The following TBC1D1 variants were observed in gnomAD, a reference collection of about 807,000 sequenced individuals.
The protein encoded by TBC1D1 is TBC1 domain family member 1.
TBC1D1 carries 89 observed loss-of-function variants against 125.6 expected under a neutral mutation model. The observed-to-expected ratio is 0.71, with a 90% confidence interval of 0.60 to 0.85. The LOEUF is 0.85. TBC1D1 is among the 40% of genes least tolerant of loss of function. The pLI is 0.00. For synonymous variants in TBC1D1, 565 were observed against 564.1 expected (o/e 1.00, Z -0.02); for missense variants, 1,377 against 1,469.2 (o/e 0.94, Z 1.03).
At chr4:37,897,185 T>C (rs1430395368) in intron 1 of TBC1D1, among the ~76,000 whole-genome samples, 1 of 152,178 alleles carries the variant, frequency 6.6e-6, no homozygotes, top group African/African-American at 2.4e-5. Context: ...TAAAAAATAA[T>C]CAAATGGTTT....
intron 2 of TBC1D1, among the ~76,000 whole-genome samples, chr4:37,966,595 C>T (rs1731117831): frequency 6.6e-6 from 1 of 152,182 alleles, no homozygotes; most frequent in Non-Finnish European, 1.5e-5. Context: ...ATTTTATAAT[C>T]TATGAGTTTC....
chr4:38,043,434 C>T (rs1477851088), intron 8 of TBC1D1, among the ~76,000 whole-genome samples: 2 of 151,704 alleles, frequency 1.3e-5, no homozygotes, highest in Non-Finnish European at 2.9e-5. Flanking sequence ...CCCGTCTCTA[C>T]AAAAACTACA....
chr4:37,960,880 T>C, intron 2 of TBC1D1: 1 of 1,614,188 alleles, frequency 6.2e-7, no homozygotes, highest in South Asian at 1.1e-5. Context: ...CTCATGATCC[T>C]TGATGAGGAG....
chr4:37,959,508 A>T (rs891601717), intron 2 of TBC1D1, among the ~76,000 whole-genome samples: 2 of 152,216 alleles, frequency 1.3e-5, no homozygotes, highest in Non-Finnish European at 2.9e-5. Context: ...CCGCAGAAGA[A>T]AATCTGAGAA....
At chr4:37,918,340 G>T (rs1720147024) in intron 2 of TBC1D1, among the ~76,000 whole-genome samples, 1 of 152,108 alleles carries the variant, frequency 6.6e-6, no homozygotes, top group East Asian at 1.9e-4. Flanking sequence ...GCTTCATGAA[G>T]AAAATAAAAT....
In TBC1D1 at chr4:38,027,948, T is replaced by G. The variant is rs1017349116; in HGVS notation, c.1302+69T>G. On this transcript the variant is annotated intron_variant, in intron 7 of 19. Transcript: ENST00000261439. ...CAGCTTACCTGGGAAATGCTATGTG[T>G]AAAAAATAGCAAACCAGTGTTGTCC... is the stretch of plus-strand genomic sequence containing the variant. The G allele has an allele frequency of 9.8e-6, 12 of 1,222,898 alleles. No individual in the cohort carries two copies. The Admixed American group carries it at 2.2e-4, about 23-fold the overall frequency. The allele number at this position is 1,222,898 out of a possible 1,614,324, so 75.8% of individuals were successfully genotyped here. A position where few individuals can be genotyped will look rare whatever the true frequency, so the allele number is the denominator to read the frequency against.
intron 7 of TBC1D1, among the ~76,000 whole-genome samples, chr4:38,029,358 GTCTC>G (rs573541873): frequency 6.6e-6 from 1 of 151,880 alleles, no homozygotes; most frequent in East Asian, 1.9e-4. Context: ...TGAAAGGATT[GTCTC>G]TCTCTCTCTT....
At chr4:38,028,898 A>C (rs553173932) in intron 7 of TBC1D1, among the ~76,000 whole-genome samples, 2 of 152,166 alleles carry the variant, frequency 1.3e-5, no homozygotes, top group African/African-American at 4.8e-5. Context: ...TTTGAAAATA[A>C]ATTTAGGTCA....
chr4:38,122,122 G>T (rs754801232), intron 17 of TBC1D1, among the ~76,000 whole-genome samples: 1 of 152,174 alleles, frequency 6.6e-6, no homozygotes, highest in Non-Finnish European at 1.5e-5. Flanking sequence ...GTGGTGAGTG[G>T]AGCATCTCTG....
chr4:37,896,114 T>C (rs1334631094), intron 1 of TBC1D1, among the ~76,000 whole-genome samples: 2 of 152,178 alleles, frequency 1.3e-5, no homozygotes, highest in Non-Finnish European at 2.9e-5. Flanking sequence ...GGACTTCCTG[T>C]CCATTCTGGG....
Position 38,020,582 on chromosome 4 carries a change from C to G in TBC1D1, c.973-9C>G, listed in dbSNP as rs1300434551. ...TACAACTGAACATCTCGTTCTCTCCCTTTGGCAGGGCATCAGACACGTGGA... is the reference window on the plus strand; with the variant it reads ...TACAACTGAACATCTCGTTCTCTCCGTTTGGCAGGGCATCAGACACGTGGA... On this transcript the variant is annotated splice_polypyrimidine_tract_variant and intron_variant, in intron 4 of 19. Transcript: ENST00000261439. 1.9e-6 allele frequency: 3 copies of G among 1,611,268 alleles called. No individual in the cohort carries two copies. Among genetic ancestry groups the G allele is most frequent in the Non-Finnish European group, 2.5e-6 (3 of 1,178,066 alleles).
intron 2 of TBC1D1, among the ~76,000 whole-genome samples, chr4:37,916,310 CTCTT>C (rs1006585486): frequency 2.0e-5 from 3 of 151,970 alleles, no homozygotes; most frequent in African/African-American, 7.3e-5. Context: ...TCAGCTCTCT[CTCTT>C]GTTCTCTCTC....
chr4:38,100,598 A>G (rs1009946476), intron 14 of TBC1D1, among the ~76,000 whole-genome samples: 12 of 152,204 alleles, frequency 7.9e-5, no homozygotes, highest in African/African-American at 2.9e-4. Flanking sequence ...TTTTGAGGGG[A>G]CACCATTCAA....
chr4:38,048,660 TTACTC>T (rs1464138989), intron 10 of TBC1D1, among the ~76,000 whole-genome samples: 1 of 152,048 alleles, frequency 6.6e-6, no homozygotes. Flanking sequence ...TCATTCTTGT[TTACTC>T]TATTCCTGTT....
intron 15 of TBC1D1, chr4:38,111,983 A>G (rs1484648640): frequency 4.6e-5 from 45 of 985,236 alleles, no homozygotes; most frequent in Non-Finnish European, 5.4e-5. Flanking sequence ...TGGGAGTCTC[A>G]TAGAACACAC....
chr4:38,032,109 AG>A (rs1474284249), intron 7 of TBC1D1, among the ~76,000 whole-genome samples: 2 of 152,194 alleles, frequency 1.3e-5, no homozygotes, highest in African/African-American at 4.8e-5. Context: ...ACCCGAGGTC[AG>A]GAGTTCAAGA....
intron 11 of TBC1D1, among the ~76,000 whole-genome samples, chr4:38,052,728 G>GCGCGCGCA (rs1491148206): frequency 1.3e-4 from 15 of 118,274 alleles, no homozygotes; most frequent in African/African-American, 2.1e-4. Context: ...GCGCGCGCGC[G>GCGCGCGCA]CACACACACA....
chr4:37,923,496 G>C (rs1436346438), intron 2 of TBC1D1, among the ~76,000 whole-genome samples: 1 of 152,078 alleles, frequency 6.6e-6, no homozygotes, highest in East Asian at 1.9e-4. Context: ...GTCAAGCAAG[G>C]TTCTTTAATA....
chr4:38,104,159 CA>C lies in TBC1D1; in HGVS notation c.2557+1026del, dbSNP rs71658758. ...TGGGTGACAGAATGAGACTCTGTCT[CA>C]AAAAAAAAAAAAAAAAAAAAAAAGT... On this transcript the variant is annotated intron_variant, in intron 15 of 19. Transcript: ENST00000261439. 7.0e-3 allele frequency among the ~76,000 whole-genome samples: 585 copies of C among 83,920 alleles called. 5 individuals carry two copies. Among genetic ancestry groups the C allele is most frequent in the African/African-American group, 0.023 (512 of 22,184 alleles). 55.1% of individuals were successfully genotyped at this position (83,920 alleles called of 152,430 possible).
Sources: gnomAD v4.1 joint callset for allele counts (sites outside exome capture counted in the v4.1 genomes callset) on GRCh38, gnomAD v4.1.1 for gene constraint, MANE v1.5 for transcripts, NCBI Gene and HGNC (gene_info 2026-07-23, HGNC 2026-07-21) for gene names.